KIF15: variants seen among roughly 807,000 people sequenced by gnomAD.
KIF15 encodes kinesin-like protein KIF15.
KIF15 carries 140 observed loss-of-function variants against 190.6 expected under a neutral mutation model. That is an observed-to-expected ratio of 0.73 (90% CI 0.64 to 0.84). The LOEUF is 0.84. KIF15 is among the 40% of genes least tolerant of loss of function. The pLI is 0.00. For missense variants in KIF15, 1,372 were observed against 1,584.4 expected, an observed-to-expected ratio of 0.87 and a Z score of 2.28; for synonymous variants, 528 against 551.3, an observed-to-expected ratio of 0.96 and a Z score of 0.59.
intron 16 of KIF15, among the ~76,000 whole-genome samples, chr3:44,807,710 G>A (rs879813035): frequency 3.3e-5 from 5 of 152,004 alleles, no homozygotes; most frequent in Non-Finnish European, 7.4e-5. Flanking sequence ...GTGTGTGTGT[G>A]TGTGTGTTTT....
chr3:44,795,680 T>TTATA (rs34530784), intron 8 of KIF15, among the ~76,000 whole-genome samples: 49 of 150,150 alleles, frequency 3.3e-4, no homozygotes, highest in Admixed American at 1.1e-3. Flanking sequence ...CAATATGTGT[T>TTATA]TATATATATA....
At chr3:44,827,314 T>G in intron 22 of KIF15, 145 bp from the exon 23 acceptor site, 1 of 596,604 alleles carries the variant, frequency 1.7e-6, no homozygotes, top group East Asian at 2.8e-5. Flanking sequence ...TGGGTTCAAA[T>G]TTCTGATCCC....
chr3:44,835,402 G>A (rs1294373471), intron 26 of KIF15, among the ~76,000 whole-genome samples: 1 of 151,924 alleles, frequency 6.6e-6, no homozygotes, highest in African/African-American at 2.4e-5. Flanking sequence ...ACCACGCCTG[G>A]CTAATTTTTG....
intron 4 of KIF15, among the ~76,000 whole-genome samples, chr3:44,778,990 A>AAC (rs1706033787): frequency 6.6e-6 from 1 of 151,494 alleles, no homozygotes; most frequent in Non-Finnish European, 1.5e-5. Context: ...AAAAAAAAAA[A>AAC]AAAAAAAAAA....
At chr3:44,809,750 C>A (rs967607643) in intron 16 of KIF15, among the ~76,000 whole-genome samples, 4 of 151,998 alleles carry the variant, frequency 2.6e-5, no homozygotes, top group Non-Finnish European at 1.5e-5. Flanking sequence ...ACTCCTGATA[C>A]CTAAAATTTC....
At chr3:44,772,978 A>C (rs1182810133) in intron 1 of KIF15, among the ~76,000 whole-genome samples, 2 of 152,146 alleles carry the variant, frequency 1.3e-5, no homozygotes, top group African/African-American at 4.8e-5. Flanking sequence ...ATCCCATCCT[A>C]AGGTACCCCT....
At chr3:44,771,735 G>T (rs1705648947) in intron 1 of KIF15, among the ~76,000 whole-genome samples, 1 of 152,182 alleles carries the variant, frequency 6.6e-6, no homozygotes, top group African/African-American at 2.4e-5. Context: ...TGCCTTAAGA[G>T]AACCTTGTTG....
downstream of KIF15, among the ~76,000 whole-genome samples, chr3:44,857,448 C>G (rs1699200529): frequency 6.6e-6 from 1 of 152,160 alleles, no homozygotes; most frequent in Admixed American, 6.5e-5. Flanking sequence ...GACAAAAAGG[C>G]TATGGGGCGC....
rs1158553390 is a variant in KIF15 at position 44,801,515 on chromosome 3, C to G, written c.1288C>G (p.Gln430Glu). 13 of 1,559,554 alleles carry G rather than the reference C, an allele frequency of 8.3e-6. No individual in the cohort carries two copies. Among genetic ancestry groups the G allele is most frequent in the Admixed American group, 1.7e-5 (1 of 59,574 alleles). ...EAMLFFKKSEQEKKSLIEKVT... is the reference protein window; with the variant it reads ...EAMLFFKKSEEEKKSLIEKVT... ...AATGTTATTCTTTAAGAAATCTGAA[C>G]AGGAAAAGAAGGTAGGAAATGGAAT... Residue 430 changes from glutamine (Q) to glutamate (E), a missense_variant, in exon 12 of 35, where the codon CAG becomes GAG. Physicochemically the swap from Gln to Glu is conservative, Grantham distance 29. Transcript: ENST00000326047.
intron 7 of KIF15, among the ~76,000 whole-genome samples, chr3:44,789,125 GT>G (rs1276269808): frequency 2.6e-5 from 4 of 151,962 alleles, no homozygotes; most frequent in Non-Finnish European, 5.9e-5. Context: ...TTTATCCTGG[GT>G]TTATCATGCT....
rs149747801 is a variant in KIF15, at chr3:44,815,036, G to A, written c.2509G>A (p.Glu837Lys). 4.6e-4 allele frequency: 741 copies of A among 1,611,016 alleles called. 9 individuals are homozygous for A. In the African/African-American group the frequency reaches 8.2e-3, roughly 18 times the overall value. ...GGAGAAAGAATTCAACAAACTTTCC[G>A]AAAGACACATGCATGTACAGCTTCA... is the stretch of plus-strand genomic sequence containing the variant. ...NQEKEFNKLS[E>K]RHMHVQLQLD... Residue 837 changes from glutamate to lysine, a missense_variant, in exon 20 of 35, where the codon GAA (glutamate) becomes AAA (lysine). Transcript: ENST00000326047.
At chr3:44,854,462 A>C (rs996166357), downstream of KIF15, among the ~76,000 whole-genome samples, 1 of 152,200 alleles carries the variant, frequency 6.6e-6, no homozygotes, top group Non-Finnish European at 1.5e-5. Context: ...TTGAACTCTC[A>C]AGGAATAATA....
At position 44,811,039 on chromosome 3, in the gene KIF15, T is replaced by G. The variant is rs1707761668; in HGVS notation, c.2165T>G (p.Val722Gly). ...FEAISEELRT[V>G]QEQMSALQAK... is the part of the protein sequence containing the mutation. ...GCCATTTCTGAAGAGCTTAGAACAG[T>G]GCAGGTAATGTTTTGTTCTAGAAAA... The change falls in exon 17 of 35, where the codon GTG becomes GGG. Residue 722 changes from valine (V) to glycine (G), a missense_variant. Coordinates refer to ENST00000326047, the MANE Select transcript of KIF15 (RefSeq NM_020242.3). 6.3e-7 allele frequency: 1 copy of G among 1,584,236 alleles called. No individual in the cohort carries two copies. Among genetic ancestry groups the G allele is most frequent in the Non-Finnish European group, 8.5e-7 (1 of 1,171,242 alleles).
intron 32 of KIF15, among the ~76,000 whole-genome samples, chr3:44,851,519 AT>A (rs1699056454): frequency 6.6e-6 from 1 of 152,232 alleles, no homozygotes; most frequent in Non-Finnish European, 1.5e-5. Flanking sequence ...AGTGGGCTGA[AT>A]CTAAACAATT....
At chr3:44,842,228 A>C (rs1698643834) in intron 29 of KIF15, among the ~76,000 whole-genome samples, 1 of 152,088 alleles carries the variant, frequency 6.6e-6, no homozygotes, top group Admixed American at 6.6e-5. Context: ...GATAAATTTA[A>C]AATACTTTCT....
At chr3:44,798,945 A>G (rs1707126574) in intron 10 of KIF15, among the ~76,000 whole-genome samples, 1 of 152,172 alleles carries the variant, frequency 6.6e-6, no homozygotes, top group South Asian at 2.1e-4. Flanking sequence ...TTTCAGACCA[A>G]CTGGCTGTAA....
At chr3:44,784,823 G>GT (rs56895721) in intron 5 of KIF15, 22 bp from the exon 6 acceptor site, 537,878 of 1,079,062 alleles carry the variant, frequency 0.5, 95,503 homozygotes, top group East Asian at 0.71. Context: ...AAAATCCAGT[G>GT]TTTTTTTTTT....
At chr3:44,857,456 C>G (rs192850882), downstream of KIF15, among the ~76,000 whole-genome samples, 266 of 152,252 alleles carry the variant, frequency 1.7e-3, 1 homozygote, top group Non-Finnish European at 2.7e-3. Context: ...GGCTATGGGG[C>G]GCGGTCCTGG....
chr3:44,790,695 C>CATTTTTTTTTT (rs1706647177), intron 7 of KIF15, among the ~76,000 whole-genome samples: 1 of 97,972 alleles, frequency 1.0e-5, no homozygotes. Context: ...TTTTCTGTTT[C>CATTTTTTTTTT]TTTTTTTTTT....
Sources: gnomAD v4.1 joint callset for allele counts (sites outside exome capture counted in the v4.1 genomes callset) on GRCh38, gnomAD v4.1.1 for gene constraint, MANE v1.5 for transcripts, NCBI Gene and HGNC (gene_info 2026-07-23, HGNC 2026-07-21) for gene names.